The following CPNE4 variants were observed in gnomAD, a reference collection of about 807,000 sequenced individuals.
The protein encoded by CPNE4 is copine 4.
A neutral mutation model predicts 67.9 loss-of-function variants in CPNE4; 25 were observed. The observed-to-expected ratio is 0.37, with a 90% confidence interval of 0.27 to 0.51. CPNE4 has a LOEUF of 0.51. Ranked by LOEUF, CPNE4 falls within the 20% of genes least tolerant of loss-of-function variation. The pLI, the probability that CPNE4 is intolerant of heterozygous loss-of-function variation, is 0.93. For synonymous variants in CPNE4, 242 were observed against 244.9 expected, an observed-to-expected ratio of 0.99 and a Z score of 0.11; for missense variants, 464 against 690.8, an observed-to-expected ratio of 0.67 and a Z score of 3.68.
chr3:132,034,837 T>C lies in CPNE4; in HGVS notation c.-272A>G. 2 of 985,158 alleles carry C rather than the reference T, an allele frequency of 2.0e-6. No homozygotes were observed. The highest frequency in any genetic ancestry group is 4.7e-5 in the South Asian group (1 of 21,230). The allele number at this position is 985,158 out of a possible 1,614,324, so 61.0% of individuals were successfully genotyped here. On this transcript the variant is annotated 5_prime_UTR_variant, in exon 1 of 16. Transcript: ENST00000429747. ...GGGGTGGGGGAAGAGGGTGAAAATG[T>C]TGGAGATGTCAGGTCGGCTCTCAGT...
intron 5 of CPNE4, among the ~76,000 whole-genome samples, chr3:131,693,392 C>T (rs187922062): frequency 3.9e-5 from 6 of 152,164 alleles, no homozygotes; most frequent in Non-Finnish European, 2.9e-5. Flanking sequence ...AAACCTACTA[C>T]ATCATAACAA....
intron 1 of CPNE4, among the ~76,000 whole-genome samples, chr3:131,966,832 G>A (rs1469015962): frequency 6.6e-6 from 1 of 152,158 alleles, no homozygotes; most frequent in African/African-American, 2.4e-5. Context: ...TCCTTCTGAA[G>A]CTATTCCAAA....
chr3:132,014,638 G>A (rs938627382), intron 1 of CPNE4, among the ~76,000 whole-genome samples: 3 of 151,858 alleles, frequency 2.0e-5, no homozygotes, highest in East Asian at 1.9e-4. Context: ...TTGACATTTG[G>A]GAGTAGAAAA....
At chr3:132,017,959 C>A (rs2073921160) in intron 1 of CPNE4, among the ~76,000 whole-genome samples, 1 of 152,128 alleles carries the variant, frequency 6.6e-6, no homozygotes, top group Admixed American at 6.5e-5. Context: ...GCTGCTATCA[C>A]TCCTCCTCCA....
intron 7 of CPNE4, among the ~76,000 whole-genome samples, chr3:131,597,018 T>G (rs1348084878): frequency 6.6e-6 from 1 of 152,244 alleles, no homozygotes; most frequent in African/African-American, 2.4e-5. Flanking sequence ...CCTCTCATAC[T>G]AAAATGCCAA....
At chr3:131,765,913 C>T (rs1343258789) in intron 2 of CPNE4, among the ~76,000 whole-genome samples, 2 of 152,104 alleles carry the variant, frequency 1.3e-5, no homozygotes, top group African/African-American at 4.8e-5. Context: ...AGACAATGGA[C>T]ATCCTAAGTG....
At chr3:131,707,411 A>C (rs2081439781) in intron 3 of CPNE4, among the ~76,000 whole-genome samples, 1 of 152,188 alleles carries the variant, frequency 6.6e-6, no homozygotes, top group Admixed American at 6.5e-5. Flanking sequence ...TTAATCCAGG[A>C]TGACCTTCTC....
chr3:131,878,604 A>T (rs1053408902), intron 2 of CPNE4, among the ~76,000 whole-genome samples: 2 of 152,200 alleles, frequency 1.3e-5, no homozygotes, highest in African/African-American at 4.8e-5. Context: ...AGGATTTATA[A>T]AATAAAAATA....
chr3:131,583,108 T>C (rs1937949780), intron 8 of CPNE4, among the ~76,000 whole-genome samples: 1 of 152,164 alleles, frequency 6.6e-6, no homozygotes, highest in South Asian at 2.1e-4. Context: ...CTTCAAAATA[T>C]GGAATTCTTG....
Position 131,581,606 on chromosome 3 carries a change from T to C in CPNE4, c.840A>G (p.Ser280=), listed in dbSNP as rs764949554. The C allele has an allele frequency of 6.2e-7, 1 of 1,613,150 alleles. No individual in the cohort carries two copies. Among genetic ancestry groups the C allele is most frequent in the Non-Finnish European group, 8.5e-7 (1 of 1,179,116 alleles). ...YKAKKKNYKN[S]GTVILNLCKI... Reference sequence around the variant, plus strand: ...TGCACAGATTCAGAATCACAGTGCCTGAGTTCTTGTAATTCTTCTTCTTGG... The same window carrying C: ...TGCACAGATTCAGAATCACAGTGCCCGAGTTCTTGTAATTCTTCTTCTTGG... The change falls in exon 9 of 16, where the codon TCA becomes TCG. Residue 280 remains serine, a synonymous_variant. Transcript: ENST00000429747.
At chr3:131,785,698 T>A (rs2083544170) in intron 2 of CPNE4, among the ~76,000 whole-genome samples, 1 of 149,626 alleles carries the variant, frequency 6.7e-6, no homozygotes, top group African/African-American at 2.5e-5. Flanking sequence ...TCTCTCTCTC[T>A]CATGGTGGCT....
chr3:131,601,681 T>C (rs1319021119), intron 7 of CPNE4, among the ~76,000 whole-genome samples: 4 of 152,144 alleles, frequency 2.6e-5, no homozygotes, highest in African/African-American at 9.7e-5. Context: ...GGTGTAGAGA[T>C]ACTTTCTCTA....
chr3:131,999,137 C>A (rs2073364601), intron 1 of CPNE4, among the ~76,000 whole-genome samples: 1 of 147,840 alleles, frequency 6.8e-6, no homozygotes, highest in African/African-American at 2.5e-5. Context: ...AGAACTAGTG[C>A]AGAGTAGTGT....
chr3:131,644,614 G>C (rs1162327745), intron 7 of CPNE4, among the ~76,000 whole-genome samples: 4 of 152,146 alleles, frequency 2.6e-5, no homozygotes, highest in African/African-American at 9.7e-5. Flanking sequence ...TATACAAGAA[G>C]GGGCCATACA....
intron 2 of CPNE4, among the ~76,000 whole-genome samples, chr3:131,772,041 C>G (rs866573124): frequency 6.6e-6 from 1 of 152,044 alleles, no homozygotes; most frequent in Admixed American, 6.6e-5. Context: ...CGCAAATGAA[C>G]AGGCAATGAA....
intron 3 of CPNE4, among the ~76,000 whole-genome samples, chr3:131,702,615 C>A (rs1050667764): frequency 2.4e-4 from 37 of 152,206 alleles, no homozygotes; most frequent in Admixed American, 2.4e-3. Context: ...ACCCCAACAA[C>A]CCTCTCGGCC....
chr3:131,874,249 C>T (rs2087343551), intron 2 of CPNE4, among the ~76,000 whole-genome samples: 1 of 152,066 alleles, frequency 6.6e-6, no homozygotes, highest in Non-Finnish European at 1.5e-5. Context: ...CCACCACGCC[C>T]AGCTAATTTT....
At chr3:131,617,764 T>C (rs1376026277) in intron 7 of CPNE4, among the ~76,000 whole-genome samples, 3 of 152,194 alleles carry the variant, frequency 2.0e-5, no homozygotes, top group Non-Finnish European at 4.4e-5. Flanking sequence ...CGGGTTCCAT[T>C]TGGAAGGTGG....
At chr3:131,817,203 C>A (rs1278367174) in intron 2 of CPNE4, among the ~76,000 whole-genome samples, 5 of 152,014 alleles carry the variant, frequency 3.3e-5, no homozygotes, top group African/African-American at 1.2e-4. Flanking sequence ...TTGGGGGAAA[C>A]TGGAGTGTGG....
Sources: gnomAD v4.1 joint callset for allele counts (sites outside exome capture counted in the v4.1 genomes callset) on GRCh38, gnomAD v4.1.1 for gene constraint, MANE v1.5 for transcripts, NCBI Gene and HGNC (gene_info 2026-07-23, HGNC 2026-07-21) for gene names.